The following ABCA6 variants were observed in gnomAD, a reference collection of about 807,000 sequenced individuals.
ABCA6 encodes the protein ATP binding cassette subfamily A member 6.
In ABCA6, 164 loss-of-function variants were observed where a neutral mutation model predicts 191.2. The ratio of observed to expected loss-of-function variants is 0.86; its 90% CI spans 0.76 to 0.98. The LOEUF is 0.98. ABCA6 is among the 50% of genes least tolerant of loss of function. The pLI is 0.00. For missense variants in ABCA6, 1,958 were observed against 1,894.1 expected, an observed-to-expected ratio of 1.03 and a Z score of -0.63; for synonymous variants, 636 against 647.7, an observed-to-expected ratio of 0.98 and a Z score of 0.27.
Position 69,115,450 on chromosome 17 carries a change from G to A in ABCA6, c.1532C>T (p.Ala511Val). Residue 511 changes from alanine (A) to valine (V), a missense_variant, in exon 12 of 39, where the codon GCA (alanine) becomes GTA (valine). By Grantham distance (64) the Ala-to-Val change is moderately conservative (BLOSUM62 0). Transcript: ENST00000284425. ...GCCAGCTCCACTGTGACCCAGGATT[G>A]CCGTGATTTGACCTTCATATATGTC... ...LFDIYEGQIT[A>V]ILGHSGAGKS... 2 of 1,611,718 alleles carry A rather than the reference G, an allele frequency of 1.2e-6. No homozygotes were observed. Among genetic ancestry groups the A allele is most frequent in the Non-Finnish European group, 1.7e-6 (2 of 1,178,866 alleles).
chr17:69,087,805 A>G (rs999936562), intron 28 of ABCA6, among the ~76,000 whole-genome samples: 2 of 152,162 alleles, frequency 1.3e-5, no homozygotes, highest in African/African-American at 4.8e-5. Context: ...TGTTTTTTCA[A>G]CATCATTTAC....
chr17:69,119,056 A>T (rs1158930702), intron 10 of ABCA6, among the ~76,000 whole-genome samples: 1 of 152,068 alleles, frequency 6.6e-6, no homozygotes, highest in African/African-American at 2.4e-5. Flanking sequence ...TTATATTCAC[A>T]TTAATTACTT....
chr17:69,110,835 A>G lies in ABCA6; in HGVS notation c.2238T>C (p.Tyr746=). The change falls in exon 17 of 39, where the codon TAT becomes TAC. Residue 746 remains tyrosine (Y), a synonymous_variant. Transcript: ENST00000284425. Reference sequence around the variant, plus strand: ...TATTTGTCCTTTCCAGTGGCAAAGTATATACAAGCTTTTCTTTGTTTTCTG... The same window carrying G: ...TATTTGTCCTTTCCAGTGGCAAAGTGTATACAAGCTTTTCTTTGTTTTCTG... ...LKTENKEKLV[Y]TLPLERTNTF... The G allele has an allele frequency of 6.2e-7, 1 of 1,611,288 alleles. No homozygotes were observed. Among genetic ancestry groups the G allele is most frequent in the Non-Finnish European group, 8.5e-7 (1 of 1,178,568 alleles).
chr17:69,140,992 C>G (rs111425970), intron 1 of ABCA6, among the ~76,000 whole-genome samples: 64 of 152,100 alleles, frequency 4.2e-4, no homozygotes, highest in Middle Eastern at 3.4e-3. Context: ...TGTAATTCAA[C>G]TTCAGAACCT....
chr17:69,105,407 T>A, intron 20 of ABCA6, 55 bp downstream of exon 20: 1 of 1,469,744 alleles, frequency 6.8e-7, no homozygotes, highest in Non-Finnish European at 9.3e-7. Context: ...CCTCCTGTGC[T>A]ATTCAACAAT....
In ABCA6 at chr17:69,133,874, T is replaced by C. The variant is rs1442300360; in HGVS notation, c.565-7A>G. On this transcript the variant is annotated splice_region_variant and splice_polypyrimidine_tract_variant and intron_variant, in intron 5 of 38. Coordinates refer to ENST00000284425, the MANE Select transcript of ABCA6 (RefSeq NM_080284.3). ...CAGGGTGATTGGTTGTGATCTAAAGTAGAGTTTAAACAAACATAATTATTA... is the reference window on the plus strand; with the variant it reads ...CAGGGTGATTGGTTGTGATCTAAAGCAGAGTTTAAACAAACATAATTATTA... 1.3e-6 allele frequency: 2 copies of C among 1,534,342 alleles called. No individual in the cohort carries two copies. The highest frequency in any genetic ancestry group is 2.3e-5 in the East Asian group (1 of 44,022).
intron 20 of ABCA6, chr17:69,104,451 A>G (rs1030142618): frequency 6.6e-6 from 1 of 152,114 alleles, no homozygotes; most frequent in African/African-American, 2.4e-5. Context: ...AAGAATGAGA[A>G]ACGGAAAGGG....
intron 20 of ABCA6, among the ~76,000 whole-genome samples, chr17:69,103,529 T>C (rs1413325136): frequency 1.3e-5 from 2 of 152,144 alleles, no homozygotes; most frequent in African/African-American, 4.8e-5. Flanking sequence ...CTTTTAGATA[T>C]GACCCTGAAG....
At chr17:69,129,988 G>A (rs2073833406) in intron 6 of ABCA6, among the ~76,000 whole-genome samples, 1 of 151,940 alleles carries the variant, frequency 6.6e-6, no homozygotes, top group African/African-American at 2.4e-5. Context: ...AGAGATGATA[G>A]ATGCTGAACA....
At chr17:69,085,519 CAAA>C (rs35438104) in intron 31 of ABCA6, 103 bp downstream of exon 31, 7,120 of 467,500 alleles carry the variant, frequency 0.015, no homozygotes, top group South Asian at 0.025. Context: ...TATCCAAAGG[CAAA>C]AAAAAAAAAA....
chr17:69,079,837 A>C (rs1215732430), intron 37 of ABCA6, among the ~76,000 whole-genome samples: 1 of 152,238 alleles, frequency 6.6e-6, no homozygotes, highest in Non-Finnish European at 1.5e-5. Flanking sequence ...TTTTAGTGGG[A>C]GGAATTAGTG....
At chr17:69,135,278 G>T (rs949389554) in intron 4 of ABCA6, 2 of 152,698 alleles carry the variant, frequency 1.3e-5, no homozygotes, top group Non-Finnish European at 2.9e-5. Flanking sequence ...TGCTTAGAAA[G>T]TCTTAGAAAA....
intron 7 of ABCA6, among the ~76,000 whole-genome samples, chr17:69,129,240 G>A (rs1051678091): frequency 6.6e-6 from 1 of 152,034 alleles, no homozygotes; most frequent in Non-Finnish European, 1.5e-5. Flanking sequence ...ATTAGAGGGA[G>A]AAGAGATATT....
At chr17:69,134,807 AG>A (rs2041912328) in intron 4 of ABCA6, 65 bp from the exon 5 acceptor site, 1 of 1,148,628 alleles carries the variant, frequency 8.7e-7, no homozygotes, top group Non-Finnish European at 1.3e-6. Context: ...ATATGAAACA[AG>A]TATTGAAAAG....
chr17:69,085,308 T>C, intron 31 of ABCA6, 126 bp from the exon 32 acceptor site: 1 of 890,548 alleles, frequency 1.1e-6, no homozygotes, highest in Non-Finnish European at 1.6e-6. Context: ...AGAAATTACT[T>C]CATATATTTA....
chr17:69,122,474 A>G (rs1180395347), intron 10 of ABCA6, among the ~76,000 whole-genome samples: 6 of 152,052 alleles, frequency 3.9e-5, no homozygotes, highest in African/African-American at 1.2e-4. Flanking sequence ...GTGATATACC[A>G]AGTCTCATAA....
chr17:69,087,263 C>T, intron 29 of ABCA6, 90 bp downstream of exon 29: 1 of 1,523,818 alleles, frequency 6.6e-7, no homozygotes, highest in Non-Finnish European at 8.9e-7. Context: ...AAACTCCAAA[C>T]TCTCAAAATG....
At position 69,106,988 on chromosome 17, in the gene ABCA6, A is replaced by C. The variant is rs115113823; in HGVS notation, c.2389+708T>G. Among the ~76,000 whole-genome samples, 144 of 152,306 alleles carry C rather than the reference A, an allele frequency of 9.5e-4. 1 individual carries two copies. The highest frequency in any genetic ancestry group is 3.4e-3 in the African/African-American group (140 of 41,568). ...GATTTTTAAAAAATCTTCTGCATAA[A>C]AATAGCCAATCATTACACCTAAATA... On this transcript the variant is annotated intron_variant, in intron 18 of 38. Transcript: ENST00000284425.
chr17:69,110,734 ATTATT>A, intron 17 of ABCA6, 62 bp downstream of exon 17: 1 of 1,490,604 alleles, frequency 6.7e-7, no homozygotes, highest in Non-Finnish European at 8.9e-7. Flanking sequence ...GACAAAGAAA[ATTATT>A]TTAATAATAA....
Sources: gnomAD v4.1 joint callset for allele counts (sites outside exome capture counted in the v4.1 genomes callset) on GRCh38, gnomAD v4.1.1 for gene constraint, MANE v1.5 for transcripts, NCBI Gene and HGNC (gene_info 2026-07-23, HGNC 2026-07-21) for gene names.